Variants in CRACR2A observed in about 807,000 individuals in gnomAD.
CRACR2A encodes calcium release activated channel regulator 2A.
In CRACR2A, 79 loss-of-function variants were observed where a neutral mutation model predicts 90.5. The ratio of observed to expected loss-of-function variants is 0.87; its 90% confidence interval spans 0.73 to 1.05. CRACR2A has a LOEUF of 1.05. Ranked by LOEUF, CRACR2A falls within the 50% of genes least tolerant of loss-of-function variation. The pLI is 0.00. For missense variants in CRACR2A, 823 were observed against 897.2 expected (o/e 0.92, Z 1.06); for synonymous variants, 338 against 356.7 (o/e 0.95, Z 0.59).
At position 3,619,369 on chromosome 12, in the gene CRACR2A, C is replaced by A. The variant is rs751604518; in HGVS notation, c.1936G>T (p.Ala646Ser). The change falls in exon 18 of 20, where the codon GCT (alanine) becomes TCT (serine). Residue 646 changes from alanine to serine, a missense_variant. Transcript: ENST00000440314. ...AGAACAGGCACCCGGTCTCCCACAG[C>A]TTCCTGCAGAACAGAAAATGTTTTC... ...VRRWLSSVEE[A>S]VGDRVPVLLL... is the part of the protein sequence containing the mutation. 150 of 1,551,460 alleles carry A rather than the reference C, an allele frequency of 9.7e-5. No individual in the cohort carries two copies. The highest frequency in any genetic ancestry group is 1.2e-4 in the Non-Finnish European group (136 of 1,146,910).
chr12:3,653,722 G>A (rs1236028824), intron 10 of CRACR2A, among the ~76,000 whole-genome samples: 3 of 152,168 alleles, frequency 2.0e-5, no homozygotes, highest in African/African-American at 4.8e-5. Context: ...CCAGGGCAGT[G>A]ACACATGCTC....
intron 6 of CRACR2A, among the ~76,000 whole-genome samples, chr12:3,674,061 G>T (rs1192688338): frequency 6.6e-6 from 1 of 152,236 alleles, no homozygotes; most frequent in Non-Finnish European, 1.5e-5. Flanking sequence ...GAGGACAGGA[G>T]CCCAGTGCGT....
At position 3,735,564 on chromosome 12, in the gene CRACR2A, T is replaced by A. The variant is rs146361048; in HGVS notation, c.-386-2354A>T. ...GTTTTCTGGGTACTAACCCATTTAA[T>A]CCTCCTCCAAAGCCTGTAAGGTAGT... On this transcript the variant is annotated intron_variant, in intron 1 of 19. Coordinates refer to ENST00000440314, the MANE Select transcript of CRACR2A (RefSeq NM_001144958.2). Among the ~76,000 whole-genome samples the A allele has an allele frequency of 4.7e-3, 722 of 152,328 alleles. 15 individuals carry two copies. The East Asian group carries it at 0.067, about 14-fold the overall frequency.
At chr12:3,649,172 T>C (rs1342823729) in intron 10 of CRACR2A, among the ~76,000 whole-genome samples, 2 of 151,920 alleles carry the variant, frequency 1.3e-5, no homozygotes, top group Non-Finnish European at 2.9e-5. Context: ...ATGGCACATG[T>C]ATACATATGT....
chr12:3,619,187 G>T (rs1011622920), intron 18 of CRACR2A, 84 bp downstream of exon 18: 2 of 1,102,820 alleles, frequency 1.8e-6, no homozygotes, highest in Non-Finnish European at 2.6e-6. Flanking sequence ...TCCAGAGAAA[G>T]TCCCCACCAA....
intron 2 of CRACR2A, chr12:3,726,069 A>G (rs1946257882): frequency 1.3e-5 from 2 of 152,228 alleles, no homozygotes; most frequent in African/African-American, 4.8e-5. Context: ...TAGAAACACC[A>G]TCTTTACCAC....
At chr12:3,650,732 G>A (rs1944780323) in intron 10 of CRACR2A, among the ~76,000 whole-genome samples, 1 of 152,150 alleles carries the variant, frequency 6.6e-6, no homozygotes, top group Non-Finnish European at 1.5e-5. Flanking sequence ...TTAAGGTCTG[G>A]GTTCTCACGG....
chr12:3,731,739 G>A (rs892207053), intron 2 of CRACR2A: 1 of 152,244 alleles, frequency 6.6e-6, no homozygotes, highest in Non-Finnish European at 1.5e-5. Flanking sequence ...TACTGGAGTA[G>A]GGCGGTTCCT....
At chr12:3,731,743 G>A (rs1009353999) in intron 2 of CRACR2A, 2 of 152,204 alleles carry the variant, frequency 1.3e-5, no homozygotes, top group Non-Finnish European at 2.9e-5. Flanking sequence ...GGAGTAGGGC[G>A]GTTCCTAATA....
chr12:3,704,120 G>A (rs1449585301), intron 3 of CRACR2A, among the ~76,000 whole-genome samples: 1 of 152,180 alleles, frequency 6.6e-6, no homozygotes, highest in Non-Finnish European at 1.5e-5. Context: ...GTACATGACT[G>A]TTCATAGCAC....
chr12:3,697,164 C>T, intron 3 of CRACR2A, 129 bp from the exon 4 acceptor site: 1 of 1,157,750 alleles, frequency 8.6e-7, no homozygotes, highest in Non-Finnish European at 1.2e-6. Context: ...TAGCAACTAC[C>T]TCTTAATTAG....
At chr12:3,681,388 C>T (rs944405605) in intron 4 of CRACR2A, among the ~76,000 whole-genome samples, 2 of 152,202 alleles carry the variant, frequency 1.3e-5, no homozygotes, top group African/African-American at 4.8e-5. Flanking sequence ...CTAGAGCAGA[C>T]TCAGACCTCA....
chr12:3,649,099 AG>A (rs1944747431), intron 10 of CRACR2A, among the ~76,000 whole-genome samples: 1 of 151,626 alleles, frequency 6.6e-6, no homozygotes, highest in Admixed American at 6.6e-5. Flanking sequence ...GGAAGGGGGG[AG>A]GGATAGCATT....
intron 2 of CRACR2A, chr12:3,729,991 A>G (rs1203382526): frequency 6.6e-6 from 1 of 152,238 alleles, no homozygotes; most frequent in African/African-American, 2.4e-5. Context: ...AGTGCACAAA[A>G]GCAAGAAGAG....
chr12:3,640,376 C>T, intron 13 of CRACR2A: 1 of 582,602 alleles, frequency 1.7e-6, no homozygotes, highest in Admixed American at 4.1e-5. Flanking sequence ...ACATAGTAGA[C>T]ACTCAATAAA....
At chr12:3,628,200 TCTCTCTTC>T (rs1417065725) in intron 15 of CRACR2A, among the ~76,000 whole-genome samples, 93 of 148,196 alleles carry the variant, frequency 6.3e-4, no homozygotes, top group Non-Finnish European at 1.0e-3. Context: ...TCTCTCTCTT[TCTCTCTTC>T]CTCTCTTCCT....
intron 7 of CRACR2A, among the ~76,000 whole-genome samples, chr12:3,661,174 T>A (rs1413461235): frequency 6.6e-6 from 1 of 152,196 alleles, no homozygotes; most frequent in African/African-American, 2.4e-5. Context: ...ACCTGCCACC[T>A]GTTGGGAGAG....
chr12:3,734,798 A>G (rs902956137), intron 1 of CRACR2A, among the ~76,000 whole-genome samples: 1 of 152,208 alleles, frequency 6.6e-6, no homozygotes, highest in Non-Finnish European at 1.5e-5. Context: ...TGTCACTTAT[A>G]TGAGGAATCC....
chr12:3,676,953 A>G (rs1353609690), intron 6 of CRACR2A, among the ~76,000 whole-genome samples: 1 of 152,186 alleles, frequency 6.6e-6, no homozygotes, highest in East Asian at 1.9e-4. Context: ...TCATGGCAAC[A>G]ACAACTTGCC....
Sources: allele counts gnomAD v4.1 joint callset (sites outside exome capture counted in the v4.1 genomes callset), GRCh38; gene constraint gnomAD v4.1.1; transcripts MANE v1.5; gene names NCBI Gene and HGNC (gene_info 2026-07-23, HGNC 2026-07-21).